Variants in DLD observed in about 807,000 individuals in gnomAD.
DLD encodes the protein dihydrolipoamide dehydrogenase.
A neutral mutation model predicts 62.2 loss-of-function variants in DLD; 36 were observed. The observed-to-expected ratio is 0.58, with a 90% CI of 0.44 to 0.76. The LOEUF (loss-of-function observed/expected upper bound fraction) is 0.76, where lower values mean the gene tolerates loss of function less well. Ranked by LOEUF, DLD falls within the 30% of genes least tolerant of loss-of-function variation. The probability of loss-of-function intolerance (pLI) is 0.00; values close to 1 mark genes in which losing one functional copy is unlikely to be tolerated. For missense variants in DLD, 541 were observed against 608.6 expected, an observed-to-expected ratio of 0.89 and a Z score of 1.17; for synonymous variants, 204 against 199.6, an observed-to-expected ratio of 1.02 and a Z score of -0.19.
At chr7:107,892,618 T>G (rs2031614656) in intron 1 of DLD, among the ~76,000 whole-genome samples, 1 of 152,202 alleles carries the variant, frequency 6.6e-6, no homozygotes, top group Admixed American at 6.5e-5. Flanking sequence ...CTATCTCAGC[T>G]GACTGCAACT....
At chr7:107,896,184 CA>C (rs1247856257) in intron 2 of DLD, among the ~76,000 whole-genome samples, 1 of 152,216 alleles carries the variant, frequency 6.6e-6, no homozygotes, top group Non-Finnish European at 1.5e-5. Flanking sequence ...GGAGAACCAA[CA>C]GAGCGTAACA....
At chr7:107,895,884 A>G (rs891390526) in intron 2 of DLD, among the ~76,000 whole-genome samples, 3 of 152,206 alleles carry the variant, frequency 2.0e-5, no homozygotes, top group Non-Finnish European at 4.4e-5. Context: ...ATACACACAC[A>G]CAGACACAGC....
At chr7:107,901,923 C>T (rs1451020437) in intron 3 of DLD, 106 bp downstream of exon 3, 2 of 879,272 alleles carry the variant, frequency 2.3e-6, no homozygotes, top group African/African-American at 3.3e-5. Context: ...ACTTCCTTAA[C>T]TCTATAAATT....
At chr7:107,915,203 A>G (rs537166983) in intron 8 of DLD, among the ~76,000 whole-genome samples, 4 of 152,252 alleles carry the variant, frequency 2.6e-5, no homozygotes, top group South Asian at 4.1e-4. Context: ...ATATTTGTCT[A>G]TGTCCCCTGC....
chr7:107,891,208 G>C lies in DLD; in HGVS notation c.-43G>C, dbSNP rs953316613. 1 of 1,613,140 alleles carries C rather than the reference G, an allele frequency of 6.2e-7. No individual in the cohort carries two copies. Among genetic ancestry groups the C allele is most frequent in the Non-Finnish European group, 8.5e-7 (1 of 1,179,180 alleles). On this transcript the variant is annotated 5_prime_UTR_variant, in exon 1 of 14. Coordinates refer to ENST00000205402, the MANE Select transcript of DLD (RefSeq NM_000108.5). ...CTTGGCGGAGCGGCGGAGGCGCCCA[G>C]CGGAGGTGAAAGTATTGGCGGAAAG...
intron 2 of DLD, among the ~76,000 whole-genome samples, chr7:107,896,305 G>C (rs1426004549): frequency 6.6e-6 from 1 of 152,170 alleles, no homozygotes; most frequent in Non-Finnish European, 1.5e-5. Flanking sequence ...TTTGGAGGTG[G>C]ATCTGAGAAG....
intron 8 of DLD, among the ~76,000 whole-genome samples, chr7:107,910,340 T>G (rs1021255953): frequency 3.9e-5 from 6 of 152,376 alleles, no homozygotes; most frequent in African/African-American, 1.4e-4. Context: ...TTTCTTCATC[T>G]CAGCAGTTTT....
chr7:107,916,169 A>C (rs1188007220), intron 9 of DLD, among the ~76,000 whole-genome samples: 3 of 152,190 alleles, frequency 2.0e-5, no homozygotes, highest in Non-Finnish European at 2.9e-5. Flanking sequence ...TTCATTGACT[A>C]ATTAATGACT....
chr7:107,897,991 T>C (rs2031772684), intron 2 of DLD, among the ~76,000 whole-genome samples: 1 of 152,176 alleles, frequency 6.6e-6, no homozygotes, highest in Admixed American at 6.5e-5. Flanking sequence ...TATGTAACAC[T>C]TGTAGGAATT....
chr7:107,895,797 C>G (rs2031705971), intron 2 of DLD, among the ~76,000 whole-genome samples: 1 of 152,160 alleles, frequency 6.6e-6, no homozygotes, highest in Non-Finnish European at 1.5e-5. Flanking sequence ...GAGAGTAACT[C>G]TCGTTACAGG....
chr7:107,893,164 C>A, intron 1 of DLD, 36 bp from the exon 2 acceptor site: 1 of 1,563,424 alleles, frequency 6.4e-7, no homozygotes, highest in Non-Finnish European at 8.8e-7. Flanking sequence ...GTTTTGAATT[C>A]ATATCTTACA....
chr7:107,917,828 T>C, intron 11 of DLD, 96 bp from the exon 12 acceptor site: 3 of 1,522,306 alleles, frequency 2.0e-6, no homozygotes, highest in Non-Finnish European at 2.7e-6. Context: ...AATTCCCTTC[T>C]TGGGATTTAT....
rs775377565 is a variant in DLD, at chr7:107,916,789, T to G, written c.876-5T>G. The G allele has an allele frequency of 6.2e-7, 1 of 1,613,102 alleles. No individual in the cohort carries two copies. The highest frequency in any genetic ancestry group is 8.5e-7 in the Non-Finnish European group (1 of 1,179,682). ...TTTAACATTTATACACTGTTTGTTA[T>G]CTAGTATTGAAGCTGCTTCTGGTGG... On this transcript the variant is annotated splice_region_variant and splice_polypyrimidine_tract_variant and intron_variant, in intron 9 of 13. Transcript: ENST00000205402.
At chr7:107,908,677 A>G in intron 8 of DLD, among the ~76,000 whole-genome samples, 1 of 151,724 alleles carries the variant, frequency 6.6e-6, no homozygotes, top group Non-Finnish European at 1.5e-5. Context: ...AAAAAAAAAA[A>G]AAAACCCCAA....
Position 107,919,059 on chromosome 7 carries a change from C to T in DLD, c.1424C>T (p.Ala475Val), listed in dbSNP as rs1280092897. Reference sequence around the variant, plus strand: ...GCTGCTCTTGCTTTGGAATATGGAGCATCCTGTGAAGATATAGCTAGAGTC... The same window carrying T: ...GCTGCTCTTGCTTTGGAATATGGAGTATCCTGTGAAGATATAGCTAGAGTC... The part of the protein sequence containing the change: ...NEAALALEYG[A>V]SCEDIARVCH... Residue 475 changes from alanine to valine, a missense_variant, in exon 13 of 14, where the codon GCA (alanine) becomes GTA (valine). By Grantham distance (64) the Ala-to-Val change is moderately conservative (BLOSUM62 0). Coordinates refer to ENST00000205402, the MANE Select transcript of DLD (RefSeq NM_000108.5). 6.2e-7 allele frequency: 1 copy of T among 1,613,944 alleles called. No homozygotes were observed. Among genetic ancestry groups the T allele is most frequent in the Admixed American group, 1.7e-5 (1 of 60,014 alleles).
chr7:107,905,716 TG>T (rs2031990259), intron 7 of DLD: 2 of 574,360 alleles, frequency 3.5e-6, no homozygotes, highest in Non-Finnish European at 6.1e-6. Context: ...GAATACAGTA[TG>T]AAGTTAAAAT....
intron 6 of DLD, 100 bp from the exon 7 acceptor site, chr7:107,905,261 T>C (rs1290924122): frequency 7.8e-7 from 1 of 1,284,354 alleles, no homozygotes; most frequent in South Asian, 1.3e-5. Context: ...AGGAAGCATT[T>C]TGTTTTAGAT....
chr7:107,900,735 A>G (rs554872293), intron 2 of DLD, among the ~76,000 whole-genome samples: 1 of 152,236 alleles, frequency 6.6e-6, no homozygotes, highest in South Asian at 2.1e-4. Flanking sequence ...TTATTCTGTG[A>G]AATGTCTTAT....
chr7:107,907,314 T>A (rs2032032190), intron 8 of DLD, among the ~76,000 whole-genome samples: 1 of 152,198 alleles, frequency 6.6e-6, no homozygotes, highest in Non-Finnish European at 1.5e-5. Flanking sequence ...GGCACAAACC[T>A]TAACAAGAAC....
Sources: allele counts gnomAD v4.1 joint callset (sites outside exome capture counted in the v4.1 genomes callset), GRCh38; gene constraint gnomAD v4.1.1; transcripts MANE v1.5; gene names NCBI Gene and HGNC (gene_info 2026-07-23, HGNC 2026-07-21).